Variants in DAB1 observed in about 807,000 individuals in gnomAD.
DAB1 encodes disabled homolog 1.
A neutral mutation model predicts 64.6 loss-of-function variants in DAB1; 15 were observed. That is an observed-to-expected ratio of 0.23 (90% CI 0.16 to 0.36). DAB1 has a LOEUF of 0.36. Among genes scored for constraint, DAB1 ranks in the 10% least tolerant of loss-of-function variants. The pLI is 1.00. For missense variants in DAB1, 596 were observed against 706.7 expected (o/e 0.84, Z 1.78); for synonymous variants, 235 against 251.9 (o/e 0.93, Z 0.64).
intron 6 of DAB1, among the ~76,000 whole-genome samples, chr1:57,746,070 C>T (rs2406275): frequency 0.39 from 59,870 of 151,930 alleles, 12,045 homozygotes; most frequent in Admixed American, 0.44. Flanking sequence ...AACACTTTAG[C>T]GATCCTTTCC....
At chr1:58,433,590 A>AGGGTGT (rs1443326796) in intron 3 of DAB1, among the ~76,000 whole-genome samples, 1 of 108,504 alleles carries the variant, frequency 9.2e-6, no homozygotes, top group African/African-American at 4.5e-5. Flanking sequence ...AGAGAGAGAG[A>AGGGTGT]GAGAGAGTGT....
At chr1:57,868,082 G>T (rs948529794) in intron 1 of DAB1, among the ~76,000 whole-genome samples, 1 of 152,208 alleles carries the variant, frequency 6.6e-6, no homozygotes, top group Non-Finnish European at 1.5e-5. Context: ...CTCAGGATCA[G>T]AGGGCTAGGC....
At chr1:57,178,387 G>T (rs913652022) in intron 2 of DAB1, among the ~76,000 whole-genome samples, 1 of 151,838 alleles carries the variant, frequency 6.6e-6, no homozygotes, top group Non-Finnish European at 1.5e-5. Context: ...TTCATATAAT[G>T]GTTACTAAAT....
intron 6 of DAB1, among the ~76,000 whole-genome samples, chr1:57,790,188 C>T (rs540508787): frequency 2.0e-5 from 3 of 152,300 alleles, no homozygotes; most frequent in Admixed American, 1.3e-4. Flanking sequence ...GTTCCCATAA[C>T]CCCCACAGTG....
At chr1:57,854,212 C>A (rs534561061) in intron 1 of DAB1, among the ~76,000 whole-genome samples, 1 of 152,120 alleles carries the variant, frequency 6.6e-6, no homozygotes, top group Admixed American at 6.5e-5. Context: ...AGGGTAATTA[C>A]ACTTTCTTGA....
chr1:57,386,992 CA>C (rs35840478), intron 1 of DAB1: 63,497 of 151,854 alleles, frequency 0.42, 13,883 homozygotes, highest in African/African-American at 0.5. Context: ...ACAGGACTCT[CA>C]GCAGTGGAAT....
intron 7 of DAB1, among the ~76,000 whole-genome samples, chr1:57,632,769 C>T (rs1558559319): frequency 6.6e-6 from 1 of 152,004 alleles, no homozygotes; most frequent in Non-Finnish European, 1.5e-5. Flanking sequence ...AGTAAAATAA[C>T]AGAAGAAAAT....
At chr1:57,564,084 G>A (rs1570631003) in intron 7 of DAB1, among the ~76,000 whole-genome samples, 1 of 152,124 alleles carries the variant, frequency 6.6e-6, no homozygotes, top group South Asian at 2.1e-4. Flanking sequence ...CCTCTGAGAC[G>A]AAGCTTCCAG....
rs111550862 is a variant in DAB1 at position 57,810,056 on chromosome 1, T to C, written n.551+73943A>G. ...TAGGAGACCATAAAACCTTCCCTGA[T>C]GAGTTTCCAACTCAGTTGCCACTGC... On this transcript the variant is annotated intron_variant and non_coding_transcript_variant, in intron 6 of 20. Coordinates refer to the DAB1 transcript ENST00000485760. Among the ~76,000 whole-genome samples, 343 of 152,310 alleles carry C rather than the reference T, an allele frequency of 2.3e-3. 3 individuals carry two copies. The highest frequency in any genetic ancestry group is 0.01 in the Middle Eastern group (3 of 294).
intron 3 of DAB1, among the ~76,000 whole-genome samples, chr1:58,483,752 C>A (rs76530690): frequency 6.6e-6 from 1 of 152,176 alleles, no homozygotes; most frequent in Non-Finnish European, 1.5e-5. Flanking sequence ...GAGATGCTAG[C>A]AAGATTTGCA....
intron 5 of DAB1, among the ~76,000 whole-genome samples, chr1:58,057,993 C>T (rs1193697727): frequency 4.5e-5 from 3 of 67,402 alleles, no homozygotes; most frequent in Non-Finnish European, 6.7e-5. Flanking sequence ...CTGAGTTGCA[C>T]AACACTCTTT....
At chr1:58,492,931 C>T (rs889352018) in intron 3 of DAB1, among the ~76,000 whole-genome samples, 24 of 152,144 alleles carry the variant, frequency 1.6e-4, no homozygotes, top group Non-Finnish European at 2.5e-4. Context: ...CCAGCATCAT[C>T]CTGATACCAA....
intron 7 of DAB1, among the ~76,000 whole-genome samples, chr1:57,561,158 T>C (rs1430394624): frequency 1.3e-5 from 2 of 152,192 alleles, no homozygotes; most frequent in Non-Finnish European, 2.9e-5. Flanking sequence ...CCTGCACCGA[T>C]GAACTCATGG....
At chr1:57,307,204 T>C (rs957566626) in intron 1 of DAB1, 4 of 152,274 alleles carry the variant, frequency 2.6e-5, no homozygotes, top group African/African-American at 9.6e-5. Flanking sequence ...TTCATCTTCA[T>C]GGTGCTGTCC....
At chr1:58,030,395 T>G (rs371422776) in intron 5 of DAB1, among the ~76,000 whole-genome samples, 53 of 152,322 alleles carry the variant, frequency 3.5e-4, no homozygotes, top group African/African-American at 1.2e-3. Flanking sequence ...ATACTATTAT[T>G]TTTAAGGTGA....
intron 1 of DAB1, among the ~76,000 whole-genome samples, chr1:57,380,468 C>A (rs899649719): frequency 6.6e-6 from 1 of 152,118 alleles, no homozygotes; most frequent in African/African-American, 2.4e-5. Flanking sequence ...TTACCTTTAG[C>A]TATTGAAGGG....
intron 4 of DAB1, among the ~76,000 whole-genome samples, chr1:58,300,373 C>T (rs924984235): frequency 6.6e-6 from 1 of 151,682 alleles, no homozygotes; most frequent in African/African-American, 2.4e-5. Context: ...TGGTGAAACC[C>T]CGTCTCTACT....
At chr1:57,265,414 T>C (rs1008209464) in intron 2 of DAB1, among the ~76,000 whole-genome samples, 3 of 152,224 alleles carry the variant, frequency 2.0e-5, no homozygotes, top group Admixed American at 6.5e-5. Flanking sequence ...ACATTTTAAA[T>C]AGAACTCTCT....
chr1:57,329,355 A>G (rs926634136), intron 1 of DAB1, among the ~76,000 whole-genome samples: 18 of 152,200 alleles, frequency 1.2e-4, no homozygotes, highest in Non-Finnish European at 2.5e-4. Context: ...AATGGACACA[A>G]TCCCATATTA....
Sources: gnomAD v4.1 joint callset for allele counts (sites outside exome capture counted in the v4.1 genomes callset) on GRCh38, gnomAD v4.1.1 for gene constraint, MANE v1.5 for transcripts, NCBI Gene and HGNC (gene_info 2026-07-23, HGNC 2026-07-21) for gene names.